Variants in NEB observed in about 807,000 individuals in gnomAD.
NEB encodes the protein nemaline myopathy type 2.
Under a neutral mutation model 952.2 loss-of-function variants are expected in NEB, and 512 were observed. The observed-to-expected ratio is 0.54, with a 90% CI of 0.50 to 0.58. The LOEUF (loss-of-function observed/expected upper bound fraction) is 0.58. Ranked by LOEUF, NEB falls within the 20% of genes least tolerant of loss-of-function variation. The pLI, the probability that NEB is intolerant of heterozygous loss-of-function variation, is 0.00. For synonymous variants in NEB, 2,900 were observed against 3,149.8 expected (o/e 0.92, Z 2.66); for missense variants, 8,428 against 9,231.1 (o/e 0.91, Z 3.56).
chr2:151,631,493 C>T, intron 65 of NEB, 147 bp from the exon 66 acceptor site: 1 of 887,112 alleles, frequency 1.1e-6, no homozygotes, highest in East Asian at 2.7e-5. Context: ...AAGAATTATG[C>T]TCAAAAATGA....
At chr2:151,591,837 T>G (rs1211947694) in intron 95 of NEB, among the ~76,000 whole-genome samples, 197 bp downstream of exon 95, 3 of 152,310 alleles carry the variant, frequency 2.0e-5, no homozygotes, top group Non-Finnish European at 4.4e-5. Flanking sequence ...CCATTCCATT[T>G]TTCCTTCCAA....
At chr2:151,485,991 C>T in intron 181 of NEB, 58 bp from the exon 182 acceptor site, 1 of 1,533,690 alleles carries the variant, frequency 6.5e-7, no homozygotes, top group Non-Finnish European at 9.0e-7. Flanking sequence ...ACAGTTAACA[C>T]ACATCTATTT....
intron 80 of NEB, 66 bp from the exon 81 acceptor site, chr2:151,610,186 C>T: frequency 7.5e-7 from 1 of 1,328,036 alleles, no homozygotes; most frequent in East Asian, 2.3e-5. Context: ...CTGACAATTA[C>T]AGACAACATG....
chr2:151,723,536 A>T (rs754689425), intron 8 of NEB, 50 bp from the exon 9 acceptor site: 10 of 1,294,030 alleles, frequency 7.7e-6, no homozygotes, highest in Non-Finnish European at 1.1e-5. Context: ...TCACGTTTAC[A>T]CAAAATACAT....
rs145261555 is a variant in NEB, at chr2:151,720,655, G to T, written c.717+2727C>A. On this transcript the variant is annotated intron_variant, in intron 9 of 181. Coordinates refer to ENST00000397345, the MANE Select transcript of NEB (RefSeq NM_001164508.2). ...TCTCTCCATTTGATAGATGAAGGGA[G>T]ATAGGAGATTAACTGTCTTCTTGGA... Among the ~76,000 whole-genome samples the T allele has an allele frequency of 2.0e-3, 301 of 152,286 alleles. 1 individual carries two copies. Among genetic ancestry groups the T allele is most frequent in the Middle Eastern group, 0.014 (4 of 294 alleles).
intron 46 of NEB, among the ~76,000 whole-genome samples, chr2:151,659,893 T>C (rs1222201719): frequency 6.6e-6 from 1 of 152,194 alleles, no homozygotes; most frequent in Non-Finnish European, 1.5e-5. Flanking sequence ...GGAGGTATAA[T>C]CTAATTAATT....
Position 151,633,759 on chromosome 2 carries a change from G to T in NEB, c.9309C>A (p.Thr3103=), listed in dbSNP as rs1042135615. 1.2e-6 allele frequency: 2 copies of T among 1,613,822 alleles called. No homozygotes were observed. The highest frequency in any genetic ancestry group is 2.7e-5 in the African/African-American group (2 of 74,896). Residue 3103 remains threonine, a synonymous_variant, in exon 65 of 182, where the codon ACC becomes ACA. Transcript: ENST00000397345. ...TCTTATAGTCCACGTCACTGACTAAGGTCTGGCACTTCTTGGCCAGCACCA... is the reference window on the plus strand; with the variant it reads ...TCTTATAGTCCACGTCACTGACTAATGTCTGGCACTTCTTGGCCAGCACCA... The part of the protein sequence containing the change: ...LGVVLAKKCQ[T]LVSDVDYKNY...
At chr2:151,694,904 T>C (rs979801382) in intron 18 of NEB, among the ~76,000 whole-genome samples, 1 of 152,212 alleles carries the variant, frequency 6.6e-6, no homozygotes, top group African/African-American at 2.4e-5. Context: ...GAATGTTTTA[T>C]AGAGTAGCAC....
At chr2:151,538,989 A>G (rs1221193627) in intron 138 of NEB, among the ~76,000 whole-genome samples, 2 of 152,222 alleles carry the variant, frequency 1.3e-5, no homozygotes. Context: ...TGTTTTTTAG[A>G]TGGATCATAA....
At chr2:151,491,601 CT>C in intron 179 of NEB, 81 bp downstream of exon 179, 1 of 1,205,874 alleles carries the variant, frequency 8.3e-7, no homozygotes, top group Non-Finnish European at 1.2e-6. Context: ...AGGGAAGGAA[CT>C]TCAGAGCCCA....
intron 52 of NEB, among the ~76,000 whole-genome samples, chr2:151,651,480 C>T (rs748368046): frequency 4.6e-5 from 7 of 152,252 alleles, no homozygotes; most frequent in East Asian, 1.9e-4. Flanking sequence ...CATGTGGTTA[C>T]GTCATATAAC....
intron 134 of NEB, 137 bp from the exon 135 acceptor site, chr2:151,546,135 G>T: frequency 1.4e-6 from 1 of 728,936 alleles, no homozygotes; most frequent in Non-Finnish European, 2.2e-6. Context: ...CCAGGCAGGA[G>T]CAAAAACAAT....
intron 143 of NEB, 55 bp downstream of exon 143, chr2:151,533,387 G>T: frequency 1.8e-6 from 2 of 1,138,038 alleles, no homozygotes; most frequent in Non-Finnish European, 2.6e-6. Flanking sequence ...GCATACAAGG[G>T]AATGCATCCA....
chr2:151,733,111 T>A lies in NEB; in HGVS notation c.36+10A>T, dbSNP rs751246882. ...TAGTTTGCTGTCAGTGTTTTTTTTT[T>A]AAATCTTACCTCCACCACCTCCTCA... On this transcript the variant is annotated intron_variant, in intron 3 of 181. Coordinates refer to ENST00000397345, the MANE Select transcript of NEB (RefSeq NM_001164508.2). The A allele has an allele frequency of 7.5e-6, 12 of 1,598,084 alleles. No individual in the cohort carries two copies. Among genetic ancestry groups the A allele is most frequent in the Admixed American group, 3.4e-5 (2 of 58,540 alleles).
In NEB at chr2:151,619,447, T is replaced by A. The variant is rs2098329826; in HGVS notation, c.10872+4A>T. ...CATGCAGAGCTAACATCAAGGAAAC[T>A]TACGTCACTCTGGAGGTCATAGGCT... On this transcript the variant is annotated splice_donor_region_variant and intron_variant, in intron 73 of 181. Coordinates refer to ENST00000397345, the MANE Select transcript of NEB (RefSeq NM_001164508.2). 1 of 1,587,542 alleles carries A rather than the reference T, an allele frequency of 6.3e-7. No individual in the cohort carries two copies. Among genetic ancestry groups the A allele is most frequent in the East Asian group, 2.2e-5 (1 of 44,468 alleles).
At chr2:151,664,667 T>C in intron 43 of NEB, 59 bp from the exon 44 acceptor site, 1 of 1,536,058 alleles carries the variant, frequency 6.5e-7, no homozygotes, top group Admixed American at 1.9e-5. Context: ...ATAGAGGTCC[T>C]GACTACAAAG....
In NEB at chr2:151,493,422, T is replaced by C. The variant is rs1353296146; in HGVS notation, c.24696A>G (p.Arg8232=). Residue 8232 remains arginine (R), a synonymous_variant, in exon 176 of 182, where the codon AGA becomes AGG. Transcript: ENST00000397345. ...FSSVLYKENM[R]KATPTPVTPE... ...GAGTAACAGGTGTCGGAGTTGCTTTTCTCATGTTCTCTTTGTACAATACCT... is the reference window on the plus strand; with the variant it reads ...GAGTAACAGGTGTCGGAGTTGCTTTCCTCATGTTCTCTTTGTACAATACCT... 1.2e-6 allele frequency: 2 copies of C among 1,605,372 alleles called. No homozygotes were observed. The highest frequency in any genetic ancestry group is 3.4e-5 in the Admixed American group (2 of 58,190).
intron 133 of NEB, among the ~76,000 whole-genome samples, chr2:151,546,794 G>C (rs1158415857): frequency 6.6e-6 from 1 of 151,854 alleles, no homozygotes; most frequent in Non-Finnish European, 1.5e-5. Context: ...CCTGACCTCA[G>C]GTGATCTGCC....
chr2:151,540,282 C>G lies in NEB; in HGVS notation c.20892+62G>C, dbSNP rs2093868872. The G allele has an allele frequency of 3.1e-6, 3 of 966,404 alleles. No individual in the cohort carries two copies. In the Admixed American group the frequency reaches 7.4e-5, roughly 24 times the overall value. The allele number at this position is 966,404 out of a possible 1,614,324, so 59.9% of individuals were successfully genotyped here. A position where few individuals can be genotyped will look rare whatever the true frequency, so the allele number is the denominator to read the frequency against. On this transcript the variant is annotated intron_variant, in intron 138 of 181. Coordinates refer to ENST00000397345, the MANE Select transcript of NEB (RefSeq NM_001164508.2). ...GATATGGCTGAAATATGTTATGTTTCTTAGGTACTTCAACCTCAGCTCTCC... is the reference window on the plus strand; with the variant it reads ...GATATGGCTGAAATATGTTATGTTTGTTAGGTACTTCAACCTCAGCTCTCC...
Sources: allele counts gnomAD v4.1 joint callset (sites outside exome capture counted in the v4.1 genomes callset), GRCh38; gene constraint gnomAD v4.1.1; transcripts MANE v1.5; gene names NCBI Gene and HGNC (gene_info 2026-07-23, HGNC 2026-07-21).